Variants in ADAM32 observed in about 807,000 individuals in gnomAD.
ADAM32 encodes disintegrin and metalloproteinase domain-containing protein 32.
A neutral mutation model predicts 114.9 loss-of-function variants in ADAM32; 89 were observed. The ratio of observed to expected loss-of-function variants is 0.77; its 90% CI spans 0.65 to 0.92. The LOEUF is 0.92. ADAM32 is among the 40% of genes least tolerant of loss of function. The pLI is 0.00. For missense variants in ADAM32, 870 were observed against 932.8 expected (o/e 0.93, Z 0.88); for synonymous variants, 285 against 307.5 (o/e 0.93, Z 0.77).
intron 16 of ADAM32, among the ~76,000 whole-genome samples, chr8:39,234,392 C>T (rs1434886287): frequency 6.6e-6 from 1 of 151,372 alleles, no homozygotes; most frequent in Non-Finnish European, 1.5e-5. Context: ...ACTTGCTTTT[C>T]TTCTGGGAGA....
intron 6 of ADAM32, among the ~76,000 whole-genome samples, chr8:39,156,139 A>G (rs774508946): frequency 2.6e-5 from 4 of 152,180 alleles, no homozygotes; most frequent in East Asian, 1.9e-4. Context: ...CAAAAATATA[A>G]TAATAGTATC....
rs1204174379 is a variant in ADAM32, at chr8:39,162,949, C to T, written c.595-1815C>T. ...AAGGAAGGTGGAGGGTGCAGTGAGC[C>T]GAGATCGCACCACTGGCCTCCAGCC... On this transcript the variant is annotated intron_variant, in intron 7 of 24. Coordinates refer to ENST00000379907, the MANE Select transcript of ADAM32 (RefSeq NM_145004.7). 2.6e-5 allele frequency among the ~76,000 whole-genome samples: 4 copies of T among 152,094 alleles called. No individual in the cohort carries two copies. In the East Asian group the frequency reaches 7.7e-4, roughly 29 times the overall value.
chr8:39,187,627 G>T (rs953627971), intron 11 of ADAM32, among the ~76,000 whole-genome samples: 5 of 151,764 alleles, frequency 3.3e-5, no homozygotes, highest in African/African-American at 1.2e-4. Flanking sequence ...TTTAGACAAG[G>T]TGTTTTTGGT....
intron 18 of ADAM32, among the ~76,000 whole-genome samples, chr8:39,255,100 A>G (rs973488766): frequency 6.6e-6 from 1 of 151,824 alleles, no homozygotes; most frequent in East Asian, 1.9e-4. Flanking sequence ...TATACATCAC[A>G]CTTTCTTTAT....
chr8:39,272,922 CTTTT>C (rs1564732244), intron 20 of ADAM32, among the ~76,000 whole-genome samples: 1 of 152,032 alleles, frequency 6.6e-6, no homozygotes, highest in Non-Finnish European at 1.5e-5. Flanking sequence ...TCTTTATCGG[CTTTT>C]TTGTCTTAAT....
rs4602855 is a variant in ADAM32 at position 39,142,361 on chromosome 8, T to A, written c.201-4769T>A. Among the ~76,000 whole-genome samples, 1,054 of 152,336 alleles carry A rather than the reference T, an allele frequency of 6.9e-3. 38 individuals are homozygous for A. The highest frequency in any genetic ancestry group is 0.061 in the Admixed American group (934 of 15,292). On this transcript the variant is annotated intron_variant, in intron 3 of 24. Coordinates refer to ENST00000379907, the MANE Select transcript of ADAM32 (RefSeq NM_145004.7). Reference sequence around the variant, plus strand: ...GGTACCGGCTGTTCCTTTCCATGTTTAGTGCTTCCTTCAGGAGCTCTTTTA... The same window carrying A: ...GGTACCGGCTGTTCCTTTCCATGTTAAGTGCTTCCTTCAGGAGCTCTTTTA...
rs373025834 is a variant in ADAM32, at chr8:39,224,532, T to G, written c.1525+1294T>G. On this transcript the variant is annotated intron_variant, in intron 14 of 24. Transcript: ENST00000379907. ...AGTGATGAGCATCTTTTCATATATGTCTTGATGAGTTGTATGTATTCTCTG... is the reference window on the plus strand; with the variant it reads ...AGTGATGAGCATCTTTTCATATATGGCTTGATGAGTTGTATGTATTCTCTG... Among the ~76,000 whole-genome samples the G allele has an allele frequency of 1.2e-3, 181 of 152,326 alleles. 1 individual carries two copies. Among genetic ancestry groups the G allele is most frequent in the African/African-American group, 4.2e-3 (175 of 41,584 alleles).
intron 2 of ADAM32, among the ~76,000 whole-genome samples, chr8:39,133,264 G>A (rs529221961): frequency 6.6e-6 from 1 of 152,252 alleles, no homozygotes; most frequent in South Asian, 2.1e-4. Flanking sequence ...CTCTCACCAT[G>A]TGATCTGCTC....
intron 10 of ADAM32, among the ~76,000 whole-genome samples, chr8:39,178,421 T>C (rs1805651949): frequency 6.6e-6 from 1 of 152,244 alleles, no homozygotes; most frequent in Non-Finnish European, 1.5e-5. Context: ...CCTGTATTGT[T>C]TTATTATGAT....
chr8:39,148,878 G>T (rs1269968311), intron 4 of ADAM32, among the ~76,000 whole-genome samples: 1 of 152,074 alleles, frequency 6.6e-6, no homozygotes, highest in Non-Finnish European at 1.5e-5. Flanking sequence ...GACAATGTTT[G>T]TGACTCTGTG....
intron 10 of ADAM32, among the ~76,000 whole-genome samples, chr8:39,177,987 G>T (rs1393711798): frequency 6.6e-6 from 1 of 151,632 alleles, no homozygotes; most frequent in African/African-American, 2.4e-5. Context: ...TCTGATGATT[G>T]GGTGTCTTGG....
intron 12 of ADAM32, among the ~76,000 whole-genome samples, chr8:39,214,582 A>C (rs1377637405): frequency 6.6e-6 from 1 of 151,808 alleles, no homozygotes; most frequent in Non-Finnish European, 1.5e-5. Context: ...TATGTTCTGG[A>C]TATTAATCCC....
At chr8:39,124,345 G>C (rs2129444566) in intron 2 of ADAM32, among the ~76,000 whole-genome samples, 1 of 152,050 alleles carries the variant, frequency 6.6e-6, no homozygotes, top group South Asian at 2.1e-4. Context: ...TCTCTGCAAA[G>C]GACATGATCT....
chr8:39,178,507 C>G (rs976799316), intron 10 of ADAM32, among the ~76,000 whole-genome samples: 1 of 152,222 alleles, frequency 6.6e-6, no homozygotes, highest in African/African-American at 2.4e-5. Context: ...CTTCTGAAGA[C>G]TACTTCTGTC....
intron 11 of ADAM32, among the ~76,000 whole-genome samples, chr8:39,192,746 A>C (rs996680105): frequency 1.3e-5 from 2 of 152,154 alleles, no homozygotes; most frequent in Non-Finnish European, 2.9e-5. Context: ...TTGTCTGAAA[A>C]GGATCTTTTT....
At chr8:39,198,593 G>A (rs139286972) in intron 11 of ADAM32, among the ~76,000 whole-genome samples, 125 of 152,278 alleles carry the variant, frequency 8.2e-4, no homozygotes, top group African/African-American at 2.8e-3. Flanking sequence ...GGCTATGCTG[G>A]TCTCGAACTC....
At chr8:39,231,132 A>G (rs2129449255) in intron 14 of ADAM32, among the ~76,000 whole-genome samples, 1 of 152,316 alleles carries the variant, frequency 6.6e-6, no homozygotes, top group East Asian at 1.9e-4. Flanking sequence ...ACAATCAGTC[A>G]GTTTTGAGTT....
chr8:39,283,767 T>C (rs1024637087), intron 24 of ADAM32, 143 bp downstream of exon 24: 1 of 536,820 alleles, frequency 1.9e-6, no homozygotes, highest in Non-Finnish European at 3.0e-6. Context: ...ATCTTTCTTT[T>C]ATTCTTTTTT....
chr8:39,147,098 A>T, intron 3 of ADAM32, 32 bp from the exon 4 acceptor site: 1 of 846,392 alleles, frequency 1.2e-6, no homozygotes. Flanking sequence ...AAAAAGAATA[A>T]TTAAAAAAAT....
Sources: gnomAD v4.1 joint callset for allele counts (sites outside exome capture counted in the v4.1 genomes callset) on GRCh38, gnomAD v4.1.1 for gene constraint, MANE v1.5 for transcripts, NCBI Gene and HGNC (gene_info 2026-07-23, HGNC 2026-07-21) for gene names.